The following RANBP9 variants were observed in gnomAD, a reference collection of about 807,000 sequenced individuals.
The protein encoded by RANBP9 is ran-binding protein 9.
RANBP9 carries 15 observed loss-of-function variants against 84.3 expected under a neutral mutation model. The observed-to-expected ratio is 0.18, with a 90% CI of 0.12 to 0.27. RANBP9 has a LOEUF of 0.27. Among genes scored for constraint, RANBP9 ranks in the 10% least tolerant of loss-of-function variants. The probability of loss-of-function intolerance (pLI) is 1.00; values close to 1 mark genes in which losing one functional copy is unlikely to be tolerated. For synonymous variants in RANBP9, 392 were observed against 349.6 expected, an observed-to-expected ratio of 1.12 and a Z score of -1.35; for missense variants, 809 against 912.8, an observed-to-expected ratio of 0.89 and a Z score of 1.46.
intron 2 of RANBP9, 43 bp from the exon 3 acceptor site, chr6:13,658,875 CA>C: frequency 6.7e-7 from 1 of 1,491,308 alleles, no homozygotes; most frequent in Non-Finnish European, 9.4e-7. Context: ...GACATTATTA[CA>C]GTCATATATG....
At chr6:13,655,008 G>A (rs191575239) in intron 4 of RANBP9, among the ~76,000 whole-genome samples, 1 of 152,330 alleles carries the variant, frequency 6.6e-6, no homozygotes, top group East Asian at 1.9e-4. Flanking sequence ...GAAAACTGAG[G>A]CACAGAAATG....
chr6:13,664,467 T>TC (rs1765603542), intron 2 of RANBP9, among the ~76,000 whole-genome samples: 1 of 150,274 alleles, frequency 6.7e-6, no homozygotes, highest in Admixed American at 6.7e-5. Context: ...CTTTTCTTTT[T>TC]TTTTAATCTG....
At chr6:13,697,404 A>G (rs2113358401) in intron 1 of RANBP9, among the ~76,000 whole-genome samples, 1 of 152,320 alleles carries the variant, frequency 6.6e-6, no homozygotes, top group South Asian at 2.1e-4. Context: ...AAGAATTTAC[A>G]GTTTTGTTCT....
At position 13,622,339 on chromosome 6, in the gene RANBP9, G is replaced by A. The variant is rs776349413; in HGVS notation, c.*23C>T. ...ATGTTGACTATATGCCACAATATAAGTGTGAGCTCTTGAAATGCATAGCTA... is the reference window on the plus strand; with the variant it reads ...ATGTTGACTATATGCCACAATATAAATGTGAGCTCTTGAAATGCATAGCTA... On this transcript the variant is annotated 3_prime_UTR_variant, in exon 14 of 14. Transcript: ENST00000011619. The A allele has an allele frequency of 2.0e-6, 3 of 1,530,426 alleles. No homozygotes were observed. The highest frequency in any genetic ancestry group is 2.6e-6 in the Non-Finnish European group (3 of 1,138,878). The allele number at this position is 1,530,426 out of a possible 1,614,324, so 94.8% of individuals were successfully genotyped here. A position where few individuals can be genotyped will look rare whatever the true frequency, so the allele number is the denominator to read the frequency against.
chr6:13,681,502 AT>A (rs1766036959), intron 2 of RANBP9, among the ~76,000 whole-genome samples: 1 of 152,192 alleles, frequency 6.6e-6, no homozygotes, highest in South Asian at 2.1e-4. Context: ...ATTGCTCACA[AT>A]ACAAGAGTAC....
intron 2 of RANBP9, among the ~76,000 whole-genome samples, chr6:13,668,667 C>T (rs1765705763): frequency 1.3e-5 from 2 of 152,014 alleles, no homozygotes; most frequent in African/African-American, 4.8e-5. Flanking sequence ...ACTCATCACC[C>T]TTTCACGATT....
At chr6:13,670,099 C>T (rs1393477935) in intron 2 of RANBP9, among the ~76,000 whole-genome samples, 2 of 152,124 alleles carry the variant, frequency 1.3e-5, no homozygotes, top group East Asian at 3.9e-4. Context: ...TCAAGACCAG[C>T]CTAGCCGACA....
intron 2 of RANBP9, among the ~76,000 whole-genome samples, chr6:13,664,409 T>C (rs1015749246): frequency 2.0e-5 from 3 of 152,010 alleles, no homozygotes; most frequent in Non-Finnish European, 4.4e-5. Flanking sequence ...GCAATTCTCT[T>C]CAAACTGATC....
intron 4 of RANBP9, among the ~76,000 whole-genome samples, chr6:13,655,951 CTA>C (rs1335707833): frequency 6.6e-6 from 1 of 152,048 alleles, no homozygotes; most frequent in Admixed American, 6.6e-5. Flanking sequence ...CATTATTGTA[CTA>C]GTGAGAAAAG....
Position 13,644,638 on chromosome 6 carries a change from T to C in RANBP9, c.1019A>G (p.Asp340Gly), listed in dbSNP as rs931107177. 1 of 1,613,402 alleles carries C rather than the reference T, an allele frequency of 6.2e-7. No individual in the cohort carries two copies. Among genetic ancestry groups the C allele is most frequent in the Non-Finnish European group, 8.5e-7 (1 of 1,179,582 alleles). ...TTTGGTTCTCCACTCCCGCATATAGTCTTCTATATCAAACACGAAAGGATG... is the reference window on the plus strand; with the variant it reads ...TTTGGTTCTCCACTCCCGCATATAGCCTTCTATATCAAACACGAAAGGATG... ...GQHPFVFDIEDYMREWRTKIQ... is the reference protein window; with the variant it reads ...GQHPFVFDIEGYMREWRTKIQ... Residue 340 changes from aspartate (D) to glycine (G), a missense_variant, in exon 6 of 14, where the codon GAC (aspartate) becomes GGC (glycine). Coordinates refer to ENST00000011619, the MANE Select transcript of RANBP9 (RefSeq NM_005493.3).
intron 5 of RANBP9, among the ~76,000 whole-genome samples, chr6:13,645,117 G>T (rs1426439359): frequency 1.3e-5 from 2 of 152,120 alleles, no homozygotes; most frequent in African/African-American, 4.8e-5. Flanking sequence ...TTTTATATAT[G>T]ATACATTTCT....
chr6:13,702,281 A>G (rs1757993117), intron 1 of RANBP9, among the ~76,000 whole-genome samples: 1 of 152,150 alleles, frequency 6.6e-6, no homozygotes, highest in Admixed American at 6.5e-5. Flanking sequence ...CATCTCTACT[A>G]AAAACATAAA....
At chr6:13,692,434 G>T (rs912804952) in intron 2 of RANBP9, among the ~76,000 whole-genome samples, 1 of 144,758 alleles carries the variant, frequency 6.9e-6, no homozygotes, top group African/African-American at 2.6e-5. Context: ...GGCTGAGGCA[G>T]GAGAATCACT....
rs1424125449 is a variant in RANBP9, at chr6:13,711,565, C to T, written c.-60G>A. 14 of 1,231,120 alleles carry T rather than the reference C, an allele frequency of 1.1e-5. No homozygotes were observed. The Admixed American group carries it at 1.6e-4, about 14-fold the overall frequency. 76.3% of individuals were successfully genotyped at this position (1,231,120 alleles called of 1,614,324 possible). A position where few individuals can be genotyped will look rare whatever the true frequency, so the allele number is the denominator to read the frequency against. On this transcript the variant is annotated 5_prime_UTR_variant, in exon 1 of 14. Coordinates refer to ENST00000011619, the MANE Select transcript of RANBP9 (RefSeq NM_005493.3). Reference sequence around the variant, plus strand: ...TCTTCTCTCCTTCCTCCTCTGCTTCCCGGGGGCGCTGTCGCTGCGGCCGCC... The same window carrying T: ...TCTTCTCTCCTTCCTCCTCTGCTTCTCGGGGGCGCTGTCGCTGCGGCCGCC...
At chr6:13,680,788 G>A (rs1766016837) in intron 2 of RANBP9, among the ~76,000 whole-genome samples, 1 of 150,736 alleles carries the variant, frequency 6.6e-6, no homozygotes, top group Admixed American at 6.6e-5. Flanking sequence ...AAGAAAACAT[G>A]AGCCAGGGAT....
intron 1 of RANBP9, among the ~76,000 whole-genome samples, chr6:13,701,401 C>T (rs1175593376): frequency 6.6e-6 from 1 of 152,150 alleles, no homozygotes. Context: ...ATGGCTTAGT[C>T]CACATTTTCA....
chr6:13,704,624 C>A (rs1379735431), intron 1 of RANBP9, among the ~76,000 whole-genome samples: 2 of 151,610 alleles, frequency 1.3e-5, no homozygotes, highest in Admixed American at 1.3e-4. Context: ...GAGTCAGACC[C>A]TGCCTCAAAA....
At chr6:13,678,500 C>G (rs994578264) in intron 2 of RANBP9, among the ~76,000 whole-genome samples, 4 of 152,208 alleles carry the variant, frequency 2.6e-5, no homozygotes, top group Non-Finnish European at 5.9e-5. Context: ...AGTCTACAGC[C>G]AAATCCACCT....
At chr6:13,688,231 T>C (rs1419443237) in intron 2 of RANBP9, among the ~76,000 whole-genome samples, 1 of 152,224 alleles carries the variant, frequency 6.6e-6, no homozygotes, top group African/African-American at 2.4e-5. Flanking sequence ...CTCCACTATA[T>C]TTCTCAACAA....
Sources: gnomAD v4.1 joint callset for allele counts (sites outside exome capture counted in the v4.1 genomes callset) on GRCh38, gnomAD v4.1.1 for gene constraint, MANE v1.5 for transcripts, NCBI Gene and HGNC (gene_info 2026-07-23, HGNC 2026-07-21) for gene names.